Variants in HDAC9 observed in about 807,000 individuals in gnomAD.
The protein encoded by HDAC9 is histone deacetylase 9.
A neutral mutation model predicts 139.4 loss-of-function variants in HDAC9; 41 were observed. That is an observed-to-expected ratio of 0.29 (90% CI 0.23 to 0.38). HDAC9 has a LOEUF of 0.38. Among genes scored for constraint, HDAC9 ranks in the 10% least tolerant of loss-of-function variants. The probability of loss-of-function intolerance (pLI) is 1.00; values close to 1 mark genes in which losing one functional copy is unlikely to be tolerated. For missense variants in HDAC9, 1,147 were observed against 1,297.0 expected, an observed-to-expected ratio of 0.88 and a Z score of 1.78; for synonymous variants, 517 against 476.2, an observed-to-expected ratio of 1.09 and a Z score of -1.12.
At chr7:18,673,610 G>T (rs895565359) in intron 12 of HDAC9, among the ~76,000 whole-genome samples, 2 of 151,954 alleles carry the variant, frequency 1.3e-5, no homozygotes, top group Non-Finnish European at 2.9e-5. Flanking sequence ...TATTCGAAAA[G>T]AATATACATG....
intron 6 of HDAC9, among the ~76,000 whole-genome samples, chr7:18,604,931 T>A (rs1562542889): frequency 6.6e-6 from 1 of 152,226 alleles, no homozygotes; most frequent in African/African-American, 2.4e-5. Context: ...TCTCTTCTGA[T>A]TGTTTTTCTT....
At chr7:18,277,683 A>T (rs1419355559) in intron 2 of HDAC9, among the ~76,000 whole-genome samples, 1 of 152,048 alleles carries the variant, frequency 6.6e-6, no homozygotes, top group Non-Finnish European at 1.5e-5. Context: ...ATTTCCTGAC[A>T]ACTTCTTTCG....
At chr7:18,759,215 A>T (rs1026590834) in intron 14 of HDAC9, among the ~76,000 whole-genome samples, 3 of 152,088 alleles carry the variant, frequency 2.0e-5, no homozygotes, top group Non-Finnish European at 4.4e-5. Flanking sequence ...TCTTCTTATC[A>T]GGGGTCCCCA....
At chr7:18,627,677 G>T (rs538594490) in intron 6 of HDAC9, among the ~76,000 whole-genome samples, 2 of 152,046 alleles carry the variant, frequency 1.3e-5, no homozygotes. Flanking sequence ...AAATTGGTTG[G>T]TTTGTTTGCC....
At chr7:18,559,488 C>G (rs982270646) in intron 2 of HDAC9, among the ~76,000 whole-genome samples, 1 of 152,152 alleles carries the variant, frequency 6.6e-6, no homozygotes, top group African/African-American at 2.4e-5. Context: ...AGGTGAGGGA[C>G]AAGCAAGCCT....
At chr7:18,431,424 T>C (rs1396190327) in intron 1 of HDAC9, among the ~76,000 whole-genome samples, 2 of 152,218 alleles carry the variant, frequency 1.3e-5, no homozygotes, top group Non-Finnish European at 2.9e-5. Context: ...ATCATGCCTG[T>C]GTAACTTTTC....
chr7:18,094,063 T>A lies in HDAC9; in HGVS notation c.-97+6850T>A, dbSNP rs78175827. On this transcript the variant is annotated intron_variant, in intron 1 of 12. Transcript: ENST00000417496. ...GGTATCTGAGCCTAAATGTAAACAT[T>A]TAAAACTGAATACCTCAAGGAAGAG... is the stretch of plus-strand genomic sequence containing the variant. 4.7e-4 allele frequency among the ~76,000 whole-genome samples: 71 copies of A among 152,282 alleles called. No homozygotes were observed. In the East Asian group the frequency reaches 6.0e-3, roughly 13 times the overall value.
rs138272200 is a variant in HDAC9, at chr7:18,233,387, G to A, written c.25+71038G>A. On this transcript the variant is annotated intron_variant, in intron 2 of 12. Transcript: ENST00000417496. ...CTTGGACCATTAATTATGCCAAGGC[G>A]GTTTCAGTACTGATGAGACCCCAAG... Among the ~76,000 whole-genome samples, 463 of 150,480 alleles carry A rather than the reference G, an allele frequency of 3.1e-3. 1 individual carries two copies. The highest frequency in any genetic ancestry group is 4.7e-3 in the Non-Finnish European group (314 of 67,306).
At chr7:18,666,191 A>T (rs1794812607) in intron 11 of HDAC9, 22 bp from the exon 12 acceptor site, 1 of 1,563,802 alleles carries the variant, frequency 6.4e-7, no homozygotes, top group African/African-American at 1.4e-5. Context: ...TGAATTTTGA[A>T]CCCCTGAACA....
At chr7:18,601,648 C>G (rs1000177237) in intron 6 of HDAC9, among the ~76,000 whole-genome samples, 3 of 152,086 alleles carry the variant, frequency 2.0e-5, no homozygotes, top group African/African-American at 7.2e-5. Flanking sequence ...CAGGAGTTCC[C>G]TCTATTCCTA....
At chr7:18,498,677 A>G (rs1171759731) in intron 2 of HDAC9, among the ~76,000 whole-genome samples, 1 of 152,010 alleles carries the variant, frequency 6.6e-6, no homozygotes, top group Middle Eastern at 3.2e-3. Flanking sequence ...CTGTTCTAGG[A>G]GTCAGACACT....
intron 16 of HDAC9, among the ~76,000 whole-genome samples, chr7:18,786,102 T>C (rs1425361166): frequency 6.6e-6 from 1 of 152,180 alleles, no homozygotes; most frequent in African/African-American, 2.4e-5. Context: ...ATTTTCTGAA[T>C]TGCATTCTGC....
intron 17 of HDAC9, among the ~76,000 whole-genome samples, chr7:18,796,607 T>G (rs1792823101): frequency 6.6e-6 from 1 of 152,190 alleles, no homozygotes. Context: ...TTCCTCAAAT[T>G]TACAGGTATT....
intron 14 of HDAC9, among the ~76,000 whole-genome samples, chr7:18,750,040 A>C (rs1383572523): frequency 6.6e-6 from 1 of 152,216 alleles, no homozygotes; most frequent in African/African-American, 2.4e-5. Flanking sequence ...ATTCCTATTC[A>C]AATTCAACTT....
chr7:18,276,443 G>C (rs1562825176), intron 2 of HDAC9, among the ~76,000 whole-genome samples: 1 of 152,152 alleles, frequency 6.6e-6, no homozygotes, highest in Non-Finnish European at 1.5e-5. Flanking sequence ...TTCAGTTTGT[G>C]TCAGCTTCTT....
chr7:18,218,255 C>G (rs187259680), intron 2 of HDAC9, among the ~76,000 whole-genome samples: 156 of 152,056 alleles, frequency 1.0e-3, no homozygotes, highest in African/African-American at 3.7e-3. Context: ...GCCAGCCTGG[C>G]CAACTTGGTA....
chr7:18,532,479 A>C (rs1349592909), intron 2 of HDAC9, among the ~76,000 whole-genome samples: 1 of 152,056 alleles, frequency 6.6e-6, no homozygotes, highest in Non-Finnish European at 1.5e-5. Flanking sequence ...AATTCCAAAA[A>C]TTAATTTGTT....
At chr7:18,096,640 G>A (rs572537671) in intron 1 of HDAC9, among the ~76,000 whole-genome samples, 4 of 152,182 alleles carry the variant, frequency 2.6e-5, no homozygotes, top group Non-Finnish European at 5.9e-5. Flanking sequence ...TCCTTGAGGT[G>A]AGACTATATG....
intron 2 of HDAC9, among the ~76,000 whole-genome samples, chr7:18,270,047 T>A (rs1796256160): frequency 6.6e-6 from 1 of 152,120 alleles, no homozygotes; most frequent in African/African-American, 2.4e-5. Context: ...TACAGTCATA[T>A]CCCTGGCTTC....
Sources: allele counts gnomAD v4.1 joint callset (sites outside exome capture counted in the v4.1 genomes callset), GRCh38; gene constraint gnomAD v4.1.1; transcripts MANE v1.5; gene names NCBI Gene and HGNC (gene_info 2026-07-23, HGNC 2026-07-21).